Variants in DDX59 observed in about 807,000 individuals in gnomAD.
The protein encoded by DDX59 is DEAD-box helicase 59, also known as probable ATP-dependent RNA helicase DDX59.
A neutral mutation model predicts 51.9 loss-of-function variants in DDX59; 30 were observed. That is an observed-to-expected ratio of 0.58 (90% CI 0.43 to 0.78). The LOEUF (loss-of-function observed/expected upper bound fraction) is 0.78, where lower values mean the gene tolerates loss of function less well. Among genes scored for constraint, DDX59 ranks in the 30% least tolerant of loss-of-function variants. DDX59 has a pLI of 0.00. For synonymous variants in DDX59, 255 were observed against 253.3 expected (o/e 1.01, Z -0.06); for missense variants, 672 against 730.8 (o/e 0.92, Z 0.93).
intron 4 of DDX59, among the ~76,000 whole-genome samples, chr1:200,655,907 C>T (rs944063812): frequency 2.6e-5 from 4 of 151,876 alleles, no homozygotes; most frequent in African/African-American, 7.3e-5. Context: ...CTTGGCTCAC[C>T]GCAACCTCCA....
intron 3 of DDX59, among the ~76,000 whole-genome samples, chr1:200,661,394 G>T (rs889958496): frequency 3.3e-5 from 5 of 151,930 alleles, no homozygotes; most frequent in African/African-American, 1.2e-4. Context: ...AAACTCAAAG[G>T]GGAAAAAAAT....
chr1:200,659,142 A>C (rs752044796), intron 3 of DDX59, 26 bp from the exon 4 acceptor site: 1 of 1,555,928 alleles, frequency 6.4e-7, no homozygotes, highest in African/African-American at 1.4e-5. Flanking sequence ...AAAGCAAATT[A>C]AAAAAATCAG....
chr1:200,668,343 G>A (rs560117507), intron 1 of DDX59, among the ~76,000 whole-genome samples: 1 of 151,516 alleles, frequency 6.6e-6, no homozygotes, highest in African/African-American at 2.4e-5. Context: ...TAAGTGGTTT[G>A]TCCAAGCTCA....
At position 200,648,476 on chromosome 1, in the gene DDX59, A is replaced by G; in HGVS notation, c.1559T>C (p.Phe520Ser). The G allele has an allele frequency of 6.2e-7, 1 of 1,614,192 alleles. No homozygotes were observed. Among genetic ancestry groups the G allele is most frequent in the African/African-American group, 1.3e-5 (1 of 75,050 alleles). The change falls in exon 7 of 8, where the codon TTT (phenylalanine) becomes TCT (serine). Residue 520 changes from phenylalanine to serine, a missense_variant. Physicochemically the swap from Phe to Ser is radical, Grantham distance 155. Transcript: ENST00000331314. ...CTCATCCATACTTGAAGGCATATCAAAATTGACAACCAGCCTGACACTGAT... is the reference window on the plus strand; with the variant it reads ...CTCATCCATACTTGAAGGCATATCAGAATTGACAACCAGCCTGACACTGAT... ...DLISVRLVVNFDMPSSMDEYV... is the reference protein window; with the variant it reads ...DLISVRLVVNSDMPSSMDEYV...
At chr1:200,641,644 G>A (rs973136020), downstream of DDX59, among the ~76,000 whole-genome samples, 9 of 150,422 alleles carry the variant, frequency 6.0e-5, no homozygotes, top group East Asian at 5.9e-4. Context: ...CAAGGTGGGC[G>A]GATCACCTGA....
At chr1:200,667,816 TATAC>T (rs1662873010) in intron 1 of DDX59, among the ~76,000 whole-genome samples, 2 of 152,214 alleles carry the variant, frequency 1.3e-5, no homozygotes, top group Non-Finnish European at 2.9e-5. Context: ...AATATATATA[TATAC>T]AGATATTTTT....
At position 200,644,332 on chromosome 1, in the gene DDX59, C is replaced by T. The variant is rs1329065967; in HGVS notation, c.1782G>A (p.Gln594=). The T allele has an allele frequency of 6.2e-7, 1 of 1,613,568 alleles. No individual in the cohort carries two copies. The highest frequency in any genetic ancestry group is 8.5e-7 in the Non-Finnish European group (1 of 1,179,806). Residue 594 remains glutamine, a synonymous_variant, in exon 8 of 8, where the codon CAG becomes CAA. Transcript: ENST00000331314. ...CTCCTGTAACCAGATCATTCTGTGT[C>T]TGTTTATCTTTCTGTTGTTCCTTTC... ...QKRKEQQKDK[Q]TQNDLVTGAN... is the part of the protein sequence containing the mutation.
At chr1:200,662,926 T>C (rs978088987) in intron 3 of DDX59, among the ~76,000 whole-genome samples, 1 of 152,210 alleles carries the variant, frequency 6.6e-6, no homozygotes, top group Non-Finnish European at 1.5e-5. Context: ...CTGTTTTATA[T>C]ACTGGAGGTC....
chr1:200,645,381 C>T (rs1223247292), intron 7 of DDX59, among the ~76,000 whole-genome samples: 1 of 152,058 alleles, frequency 6.6e-6, no homozygotes, highest in Non-Finnish European at 1.5e-5. Flanking sequence ...TGGGTTCAAG[C>T]AATTCTCTGC....
At chr1:200,668,566 G>A (rs1662941825) in intron 1 of DDX59, among the ~76,000 whole-genome samples, 1 of 152,078 alleles carries the variant, frequency 6.6e-6, no homozygotes, top group African/African-American at 2.4e-5. Context: ...GGCCTAACAA[G>A]GAAGAAAATA....
intron 3 of DDX59, among the ~76,000 whole-genome samples, chr1:200,659,963 T>C (rs573378387): frequency 1.3e-5 from 2 of 152,204 alleles, no homozygotes; most frequent in African/African-American, 4.8e-5. Context: ...GGATTACAAG[T>C]GTAAGCTACT....
At position 200,666,576 on chromosome 1, in the gene DDX59, G is replaced by A. The variant is rs751690332; in HGVS notation, c.165C>T (p.His55=). ...VATEAATIDR[H]ISESCPFPSP... is the part of the protein sequence containing the mutation. Reference sequence around the variant, plus strand: ...TGGGGAAAGGGCATGATTCGCTGATGTGCCTGTCTATTGTGGCTGCTTCTG... The same window carrying A: ...TGGGGAAAGGGCATGATTCGCTGATATGCCTGTCTATTGTGGCTGCTTCTG... Residue 55 remains histidine, a synonymous_variant, in exon 2 of 8, where the codon CAC becomes CAT. Transcript: ENST00000331314. The A allele has an allele frequency of 5.0e-6, 8 of 1,614,072 alleles. No homozygotes were observed. The highest frequency in any genetic ancestry group is 1.6e-4 in the Middle Eastern group (1 of 6,084).
In DDX59 at chr1:200,666,288, T is replaced by C; in HGVS notation, c.453A>G (p.Pro151=). The part of the protein sequence containing the change: ...EKEEKSKLSN[P]QKADSEPESP... ...ACTCTGGCTCAGAATCAGCCTTCTG[T>C]GGATTGCTGAGTTTTGATTTCTCTT... Residue 151 remains proline (P), a synonymous_variant, in exon 2 of 8, where the codon CCA becomes CCG. Coordinates refer to ENST00000331314, the MANE Select transcript of DDX59 (RefSeq NM_001031725.6). The C allele has an allele frequency of 6.2e-7, 1 of 1,614,274 alleles. No individual in the cohort carries two copies. Among genetic ancestry groups the C allele is most frequent in the Non-Finnish European group, 8.5e-7 (1 of 1,180,048 alleles).
In DDX59 at chr1:200,663,925, A is replaced by G. The variant is rs145473014; in HGVS notation, c.966T>C (p.His322=). 4.7e-4 allele frequency: 759 copies of G among 1,608,876 alleles called. 3 individuals are homozygous for G. The African/African-American group carries it at 8.0e-3, about 17-fold the overall frequency. Residue 322 remains histidine (H), a synonymous_variant, in exon 3 of 8, where the codon CAT becomes CAC. Coordinates refer to ENST00000331314, the MANE Select transcript of DDX59 (RefSeq NM_001031725.6). The part of the protein sequence containing the change: ...LPPQLYRLQQ[H]VKVIIATPGR... ...GTATCAAATCAGTGCTTACCTTAAC[A>G]TGTTGTTGCAGACGATAAAGCTGTG...
chr1:200,654,142 G>T lies in DDX59; in HGVS notation c.1063-3466C>A, dbSNP rs535445829. ...AAGAATCACCTGAAGGGCCGGGCGT[G>T]GTGGCTCAAGCCTGTAATCCCAGCA... On this transcript the variant is annotated intron_variant, in intron 4 of 7. Transcript: ENST00000331314. Among the ~76,000 whole-genome samples, 22 of 152,322 alleles carry T rather than the reference G, an allele frequency of 1.4e-4. No homozygotes were observed. In the South Asian group the frequency reaches 1.7e-3, roughly 11 times the overall value.
chr1:200,668,150 A>T (rs1385236258), intron 1 of DDX59, among the ~76,000 whole-genome samples: 1 of 151,786 alleles, frequency 6.6e-6, no homozygotes, highest in Admixed American at 6.6e-5. Context: ...AAAACAAAAC[A>T]AAAAAAATTA....
At chr1:200,654,619 C>A (rs180693844) in intron 4 of DDX59, 36 of 152,174 alleles carry the variant, frequency 2.4e-4, no homozygotes, top group African/African-American at 8.7e-4. Flanking sequence ...CACAGTTCAA[C>A]AGAGCAGAGA....
At chr1:200,645,047 G>A (rs1661213408) in intron 7 of DDX59, among the ~76,000 whole-genome samples, 1 of 151,974 alleles carries the variant, frequency 6.6e-6, no homozygotes, top group Non-Finnish European at 1.5e-5. Context: ...CAGAAAATAA[G>A]AGAGTGATCA....
At chr1:200,641,110 A>G, downstream of DDX59, 1 of 1,247,386 alleles carries the variant, frequency 8.0e-7, no homozygotes. Context: ...CAGGAAAGTC[A>G]CCTTGGATGA....
Sources: gnomAD v4.1 joint callset for allele counts (sites outside exome capture counted in the v4.1 genomes callset) on GRCh38, gnomAD v4.1.1 for gene constraint, MANE v1.5 for transcripts, NCBI Gene and HGNC (gene_info 2026-07-23, HGNC 2026-07-21) for gene names.